Variants in CDIN1 observed in about 807,000 individuals in gnomAD.
CDIN1 encodes CDAN1-interacting nuclease 1.
Under a neutral mutation model 45.3 loss-of-function variants are expected in CDIN1, and 33 were observed. The observed-to-expected ratio is 0.73, with a 90% CI of 0.55 to 0.97. The LOEUF is 0.97. CDIN1 is among the 50% of genes least tolerant of loss of function. The pLI is 0.00. For missense variants in CDIN1, 303 were observed against 339.4 expected, an observed-to-expected ratio of 0.89 and a Z score of 0.84; for synonymous variants, 118 against 124.4, an observed-to-expected ratio of 0.95 and a Z score of 0.34.
At chr15:36,674,391 A>G (rs1445601592) in intron 5 of CDIN1, among the ~76,000 whole-genome samples, 1 of 152,162 alleles carries the variant, frequency 6.6e-6, no homozygotes, top group Non-Finnish European at 1.5e-5. Context: ...TTGACCACAT[A>G]TCAGGTCCTT....
intron 10 of CDIN1, among the ~76,000 whole-genome samples, chr15:36,721,643 T>C (rs1170263866): frequency 6.6e-6 from 1 of 152,162 alleles, no homozygotes; most frequent in Non-Finnish European, 1.5e-5. Flanking sequence ...GTTTTTGGAG[T>C]GGCTTATAAA....
chr15:36,749,691 T>G (rs1044439840), intron 10 of CDIN1, among the ~76,000 whole-genome samples: 10 of 152,334 alleles, frequency 6.6e-5, no homozygotes, highest in African/African-American at 2.2e-4. Flanking sequence ...AAAGTACATC[T>G]GTGTTTTTGT....
chr15:36,746,211 G>A (rs1294998761), intron 10 of CDIN1, among the ~76,000 whole-genome samples: 2 of 152,058 alleles, frequency 1.3e-5, no homozygotes, highest in African/African-American at 4.8e-5. Context: ...ACCAATTAGA[G>A]GTGTTTGGTT....
At chr15:36,717,428 ACTT>A (rs1469519659) in intron 10 of CDIN1, among the ~76,000 whole-genome samples, 1 of 152,100 alleles carries the variant, frequency 6.6e-6, no homozygotes, top group Admixed American at 6.6e-5. Flanking sequence ...TGCAGCATGT[ACTT>A]CTTTTTGTCT....
rs1163549097 is a variant in CDIN1 at position 36,800,879 on chromosome 15, A to ATGTGTG, written c.717-7419_717-7414dup. Among the ~76,000 whole-genome samples the ATGTGTG allele has an allele frequency of 2.2e-4, 18 of 82,512 alleles. 1 individual carries two copies. Among genetic ancestry groups the ATGTGTG allele is most frequent in the African/African-American group, 4.9e-4 (12 of 24,576 alleles). The allele number at this position is 82,512 out of a possible 152,430, so 54.1% of individuals were successfully genotyped here. ...TACATATGTGTGTGTGTGTGTATAT[A>ATGTGTG]TGTGTGTGTGTGTGTGTGTGTGTGT... On this transcript the variant is annotated intron_variant, in intron 10 of 10. Transcript: ENST00000566621.
intron 3 of CDIN1, among the ~76,000 whole-genome samples, chr15:36,646,913 G>T (rs1034796956): frequency 1.3e-5 from 2 of 151,900 alleles, no homozygotes; most frequent in African/African-American, 4.8e-5. Flanking sequence ...GGATCACTAG[G>T]TGCTGCTATT....
At chr15:36,782,902 C>T (rs1387451367) in intron 10 of CDIN1, among the ~76,000 whole-genome samples, 3 of 152,124 alleles carry the variant, frequency 2.0e-5, no homozygotes, top group Admixed American at 6.5e-5. Context: ...AGAGTTCTGC[C>T]AGCCAGACAT....
At chr15:36,775,885 T>A (rs1425271226) in intron 10 of CDIN1, among the ~76,000 whole-genome samples, 2 of 152,240 alleles carry the variant, frequency 1.3e-5, no homozygotes, top group Admixed American at 6.5e-5. Context: ...TTACTGTATA[T>A]ATGTATGTAC....
chr15:36,678,148 A>T (rs1409724377), intron 5 of CDIN1, among the ~76,000 whole-genome samples: 1 of 152,222 alleles, frequency 6.6e-6, no homozygotes, highest in East Asian at 1.9e-4. Context: ...CAGATTGTCA[A>T]ATGAGATCAA....
chr15:36,754,291 CCT>C (rs2053550606), intron 10 of CDIN1, among the ~76,000 whole-genome samples: 1 of 151,976 alleles, frequency 6.6e-6, no homozygotes. Flanking sequence ...TTCACTACCC[CCT>C]GTCATTTAGT....
chr15:36,606,460 G>A (rs548440621), intron 1 of CDIN1, among the ~76,000 whole-genome samples: 1 of 152,160 alleles, frequency 6.6e-6, no homozygotes. Flanking sequence ...AATGCTAGAG[G>A]TGTACCCATA....
At position 36,608,976 on chromosome 15, in the gene CDIN1, T is replaced by TATAGATAGATAG. The variant is rs35140623; in HGVS notation, c.101+29047_101+29058dup. Among the ~76,000 whole-genome samples, 274 of 149,438 alleles carry TATAGATAGATAG rather than the reference T, an allele frequency of 1.8e-3. 2 individuals are homozygous for TATAGATAGATAG. Among genetic ancestry groups the TATAGATAGATAG allele is most frequent in the African/African-American group, 3.1e-3 (124 of 40,510 alleles). On this transcript the variant is annotated intron_variant, in intron 1 of 10. Coordinates refer to ENST00000566621, the MANE Select transcript of CDIN1 (RefSeq NM_001321759.2). ...CTGTGTGTGTGTATGTATGTGTGTA[T>TATAGATAGATAG]ATAGATAGATAGATAGATAGATAGA...
chr15:36,718,765 A>G lies in CDIN1; in HGVS notation c.716+8804A>G, dbSNP rs141494585. On this transcript the variant is annotated intron_variant, in intron 10 of 10. Coordinates refer to ENST00000566621, the MANE Select transcript of CDIN1 (RefSeq NM_001321759.2). ...AGTGATAGGATTTTCTACATAGACAACTATGTTGTTTATAAAGACTATTTT... is the reference window on the plus strand; with the variant it reads ...AGTGATAGGATTTTCTACATAGACAGCTATGTTGTTTATAAAGACTATTTT... Among the ~76,000 whole-genome samples the G allele has an allele frequency of 2.0e-3, 296 of 149,536 alleles. 1 individual carries two copies. The highest frequency in any genetic ancestry group is 6.6e-3 in the African/African-American group (270 of 40,684).
chr15:36,594,422 G>A (rs1796106854), intron 1 of CDIN1, among the ~76,000 whole-genome samples: 1 of 152,160 alleles, frequency 6.6e-6, no homozygotes, highest in African/African-American at 2.4e-5. Flanking sequence ...ACAAGACTTG[G>A]TTAGTTGTAT....
intron 1 of CDIN1, among the ~76,000 whole-genome samples, chr15:36,613,122 C>G (rs1029051973): frequency 1.3e-5 from 2 of 152,154 alleles, no homozygotes; most frequent in Non-Finnish European, 2.9e-5. Context: ...AAAACATCTC[C>G]GTTAGCAATG....
chr15:36,601,201 G>C (rs1423547474), intron 1 of CDIN1, among the ~76,000 whole-genome samples: 1 of 152,206 alleles, frequency 6.6e-6, no homozygotes, highest in East Asian at 1.9e-4. Flanking sequence ...TTCATTAGGG[G>C]TTGAGACTAG....
At chr15:36,679,936 G>A (rs2041791552) in intron 5 of CDIN1, among the ~76,000 whole-genome samples, 1 of 152,152 alleles carries the variant, frequency 6.6e-6, no homozygotes, top group South Asian at 2.1e-4. Flanking sequence ...ACTGAGCCAA[G>A]GCCAAATTGC....
At chr15:36,744,529 C>T (rs142079373) in intron 10 of CDIN1, among the ~76,000 whole-genome samples, 32 of 152,210 alleles carry the variant, frequency 2.1e-4, no homozygotes, top group African/African-American at 7.7e-4. Flanking sequence ...CAGAAATGAA[C>T]AAGACAGATG....
chr15:36,650,757 A>G (rs1255440182), intron 3 of CDIN1, among the ~76,000 whole-genome samples: 1 of 152,170 alleles, frequency 6.6e-6, no homozygotes, highest in Non-Finnish European at 1.5e-5. Context: ...AACATTTTCT[A>G]CTATCTGGAT....
Sources: allele counts gnomAD v4.1 joint callset (sites outside exome capture counted in the v4.1 genomes callset), GRCh38; gene constraint gnomAD v4.1.1; transcripts MANE v1.5; gene names NCBI Gene and HGNC (gene_info 2026-07-23, HGNC 2026-07-21).